The following PCLAF variants were observed in gnomAD, a reference collection of about 807,000 sequenced individuals.
The protein encoded by PCLAF is PCNA-associated factor.
In PCLAF, 12 loss-of-function variants were observed where a neutral mutation model predicts 15.1. The ratio of observed to expected loss-of-function variants is 0.79; its 90% CI spans 0.51 to 1.29. PCLAF has a LOEUF of 1.29. PCLAF is among the 50% of genes most tolerant of loss of function. The pLI, the probability that PCLAF is intolerant of heterozygous loss-of-function variation, is 0.00. For synonymous variants in PCLAF, 33 were observed against 47.1 expected, an observed-to-expected ratio of 0.70 and a Z score of 1.22; for missense variants, 116 against 130.9, an observed-to-expected ratio of 0.89 and a Z score of 0.56.
intron 3 of PCLAF, 42 bp downstream of exon 3, chr15:64,376,701 G>A (rs1413242537): frequency 2.0e-6 from 3 of 1,530,258 alleles, no homozygotes; most frequent in Admixed American, 1.8e-5. Context: ...TTACAGGCGT[G>A]AGATAAATAT....
intron 1 of PCLAF, chr15:64,387,372 AC>A (rs1337476300): frequency 2.2e-6 from 2 of 928,876 alleles, no homozygotes; most frequent in African/African-American, 3.6e-5. Flanking sequence ...ACAGTGCGAG[AC>A]TCCGTCTCAA....
At chr15:64,370,003 C>T (rs1266875882) in intron 3 of PCLAF, among the ~76,000 whole-genome samples, 3 of 151,832 alleles carry the variant, frequency 2.0e-5, no homozygotes. Flanking sequence ...ATTAAAGCTA[C>T]TATGGCCATA....
chr15:64,366,157 G>A, intron 3 of PCLAF, 82 bp from the exon 4 acceptor site: 1 of 1,016,286 alleles, frequency 9.8e-7, no homozygotes, highest in Non-Finnish European at 1.5e-6. Context: ...TATAAATCAG[G>A]AACATTAATT....
chr15:64,370,797 T>C (rs994927976), intron 3 of PCLAF, among the ~76,000 whole-genome samples: 1 of 149,896 alleles, frequency 6.7e-6, no homozygotes, highest in South Asian at 2.1e-4. Flanking sequence ...ATAGAAAGTG[T>C]CCCAAATGTA....
chr15:64,365,206 G>A lies in PCLAF; in HGVS notation c.*824C>T, dbSNP rs1173307978. On this transcript the variant is annotated 3_prime_UTR_variant, in exon 4 of 4. Transcript: ENST00000300035. Reference sequence around the variant, plus strand: ...TTTAGTAGAGACGGGGTTTCACCTTGTTAGGCAGGATGGTCTCGATCTCCT... The same window carrying A: ...TTTAGTAGAGACGGGGTTTCACCTTATTAGGCAGGATGGTCTCGATCTCCT... The A allele has an allele frequency of 6.6e-6, 1 of 151,212 alleles. No individual in the cohort carries two copies. Among genetic ancestry groups the A allele is most frequent in the Non-Finnish European group, 1.5e-5 (1 of 67,936 alleles). The allele number at this position is 151,212 out of a possible 1,614,324, so 9.4% of individuals were successfully genotyped here. A position where few individuals can be genotyped will look rare whatever the true frequency, so the allele number is the denominator to read the frequency against.
chr15:64,380,848 G>T, intron 2 of PCLAF, 110 bp downstream of exon 2: 1 of 887,464 alleles, frequency 1.1e-6, no homozygotes, highest in Non-Finnish European at 1.8e-6. Flanking sequence ...TATATCACAG[G>T]GCAAGGAAGA....
chr15:64,372,965 AAAAC>A (rs1899407442), intron 3 of PCLAF, among the ~76,000 whole-genome samples: 2 of 152,210 alleles, frequency 1.3e-5, no homozygotes, highest in South Asian at 4.1e-4. Context: ...ACTCCTTCTC[AAAAC>A]AAACAAACAA....
At chr15:64,378,779 C>A (rs994055731) in intron 2 of PCLAF, among the ~76,000 whole-genome samples, 1 of 152,012 alleles carries the variant, frequency 6.6e-6, no homozygotes, top group Admixed American at 6.6e-5. Flanking sequence ...GGCATGGTGG[C>A]GCATGCCTGT....
chr15:64,379,422 A>T (rs1431461081), intron 2 of PCLAF, among the ~76,000 whole-genome samples: 1 of 151,972 alleles, frequency 6.6e-6, no homozygotes, highest in Non-Finnish European at 1.5e-5. Flanking sequence ...TCAAATCTGC[A>T]GTAAGCTGTG....
chr15:64,366,912 G>C (rs942484561), intron 3 of PCLAF, among the ~76,000 whole-genome samples: 1 of 151,994 alleles, frequency 6.6e-6, no homozygotes, highest in East Asian at 1.9e-4. Flanking sequence ...GGTGGAGCTT[G>C]AAGTGAGCTG....
At chr15:64,381,593 C>A, upstream of PCLAF, 1 of 1,340,322 alleles carries the variant, frequency 7.5e-7, no homozygotes, top group Non-Finnish European at 9.9e-7. Context: ...TCTTGCAGCG[C>A]GAATCCGTCC....
Position 64,365,974 on chromosome 15 carries a change from A to G in PCLAF, c.*56T>C. 2 of 1,373,024 alleles carry G rather than the reference A, an allele frequency of 1.5e-6. No homozygotes were observed. Among genetic ancestry groups the G allele is most frequent in the Non-Finnish European group, 2.1e-6 (2 of 968,322 alleles). 85.1% of individuals were successfully genotyped at this position (1,373,024 alleles called of 1,614,324 possible). ...AACAAACACATTTATGTAAATTTACATTCTAGAATACCAGGGTAAACAAGG... is the reference window on the plus strand; with the variant it reads ...AACAAACACATTTATGTAAATTTACGTTCTAGAATACCAGGGTAAACAAGG... On this transcript the variant is annotated 3_prime_UTR_variant, in exon 4 of 4. Transcript: ENST00000300035.
At chr15:64,370,701 A>G (rs7165405) in intron 3 of PCLAF, among the ~76,000 whole-genome samples, 122,226 of 151,970 alleles carry the variant, frequency 0.8, 50,133 homozygotes, top group East Asian at 0.95. Context: ...GCTTCTATAC[A>G]TCAAGGCAGT....
At chr15:64,381,532 C>T (rs1197895151), upstream of PCLAF, 1 of 1,516,136 alleles carries the variant, frequency 6.6e-7, no homozygotes, top group Non-Finnish European at 8.8e-7. Flanking sequence ...TGGTTCCGCG[C>T]CGTTCCCCCT....
At chr15:64,373,623 A>C (rs1168939544) in intron 3 of PCLAF, 2 of 1,502,750 alleles carry the variant, frequency 1.3e-6, no homozygotes, top group African/African-American at 1.4e-5. Flanking sequence ...AAAGGAACAA[A>C]TGAAGAAACC....
chr15:64,371,231 G>C (rs1271275576), intron 3 of PCLAF, among the ~76,000 whole-genome samples: 1 of 150,994 alleles, frequency 6.6e-6, no homozygotes, highest in Admixed American at 6.6e-5. Flanking sequence ...GCCTCCCAAA[G>C]TGCTGGGATT....
At chr15:64,377,488 A>AAAAAAAAT (rs1555407636) in intron 2 of PCLAF, among the ~76,000 whole-genome samples, 1 of 29,318 alleles carries the variant, frequency 3.4e-5, no homozygotes, top group Non-Finnish European at 5.7e-5. Context: ...AAAAAAAAAA[A>AAAAAAAAT]ATATATATAT....
chr15:64,366,799 C>A (rs982132721), intron 3 of PCLAF, among the ~76,000 whole-genome samples: 8 of 151,744 alleles, frequency 5.3e-5, no homozygotes, highest in African/African-American at 1.9e-4. Flanking sequence ...ATGGTGAAAA[C>A]CCATCTCTAC....
At chr15:64,375,833 A>G (rs1010635405) in intron 3 of PCLAF, among the ~76,000 whole-genome samples, 2 of 152,244 alleles carry the variant, frequency 1.3e-5, no homozygotes, top group Admixed American at 1.3e-4. Flanking sequence ...TAAAGACTCA[A>G]TACACTAAGT....
Sources: allele counts gnomAD v4.1 joint callset (sites outside exome capture counted in the v4.1 genomes callset), GRCh38; gene constraint gnomAD v4.1.1; transcripts MANE v1.5; gene names NCBI Gene and HGNC (gene_info 2026-07-23, HGNC 2026-07-21).